SMC2: variants seen among roughly 807,000 people sequenced by gnomAD.
The protein encoded by SMC2 is structural maintenance of chromosomes 2.
SMC2 carries 41 observed loss-of-function variants against 142.6 expected under a neutral mutation model. That is an observed-to-expected ratio of 0.29 (90% CI 0.22 to 0.37). SMC2 has a LOEUF of 0.37. Ranked by LOEUF, SMC2 falls within the 10% of genes least tolerant of loss-of-function variation. The pLI is 1.00. For synonymous variants in SMC2, 463 were observed against 457.5 expected (o/e 1.01, Z -0.15); for missense variants, 1,265 against 1,373.7 (o/e 0.92, Z 1.25).
intron 9 of SMC2, among the ~76,000 whole-genome samples, chr9:104,103,475 AGTC>A (rs1831396192): frequency 6.6e-6 from 1 of 152,218 alleles, no homozygotes; most frequent in Admixed American, 6.5e-5. Flanking sequence ...CCAGTAGAAA[AGTC>A]GTCATTTGTG....
At chr9:104,105,148 G>A (rs992930441) in intron 9 of SMC2, among the ~76,000 whole-genome samples, 2 of 152,232 alleles carry the variant, frequency 1.3e-5, no homozygotes, top group African/African-American at 2.4e-5. Context: ...CCAAGGCAAT[G>A]TTATATATGG....
chr9:104,095,567 T>G lies in SMC2; in HGVS notation c.168+15T>G. The G allele has an allele frequency of 5.0e-6, 8 of 1,602,734 alleles. No homozygotes were observed. Among genetic ancestry groups the G allele is most frequent in the Non-Finnish European group, 6.0e-6 (7 of 1,171,306 alleles). The stretch of plus-strand genomic sequence containing the variant: ...ACCTGTCTCAGGTAAAGTGTAAACT[T>G]TCTGATTTATTTGAATTTAAGTTGG... On this transcript the variant is annotated intron_variant, in intron 2 of 24. Transcript: ENST00000374793.
Position 104,098,566 on chromosome 9 carries a change from C to G in SMC2, c.439C>G (p.Gln147Glu). Residue 147 changes from glutamine (Q) to glutamate (E), a missense_variant and splice_region_variant, in exon 4 of 25, where the codon CAG (glutamine) becomes GAG (glutamate). Coordinates refer to ENST00000374793, the MANE Select transcript of SMC2 (RefSeq NM_006444.3). ...TAACAACCCTCACTTTCTCATCATG[C>G]AGGTATTTCGTTTGAGGTCTTTATA... ...NVNNPHFLIM[Q>E]GRITKVLNMK... 1 of 1,585,810 alleles carries G rather than the reference C, an allele frequency of 6.3e-7. No homozygotes were observed. The highest frequency in any genetic ancestry group is 8.5e-7 in the Non-Finnish European group (1 of 1,170,310).
chr9:104,091,011 G>T (rs1224589094), upstream of SMC2, among the ~76,000 whole-genome samples: 6 of 152,308 alleles, frequency 3.9e-5, no homozygotes, highest in East Asian at 3.9e-4. Context: ...GTCCCACTGG[G>T]TGAATGAATA....
chr9:104,121,793 C>CT (rs201222369), intron 16 of SMC2, among the ~76,000 whole-genome samples: 1,612 of 151,180 alleles, frequency 0.011, 12 homozygotes, highest in African/African-American at 0.02. Flanking sequence ...TTGTCTTTTT[C>CT]TTTTTTTTTG....
chr9:104,116,755 C>T (rs1323843841), intron 14 of SMC2, among the ~76,000 whole-genome samples: 1 of 152,182 alleles, frequency 6.6e-6, no homozygotes, highest in African/African-American at 2.4e-5. Flanking sequence ...TAGAGTTCTT[C>T]TAGATTGCTA....
chr9:104,114,635 A>ATAACT, intron 12 of SMC2, 56 bp from the exon 13 acceptor site: 1 of 1,480,452 alleles, frequency 6.8e-7, no homozygotes, highest in Admixed American at 1.8e-5. Flanking sequence ...TGAGTAAAGT[A>ATAACT]TAACTTTTTC....
At chr9:104,100,833 G>GT (rs1831037182) in intron 7 of SMC2, among the ~76,000 whole-genome samples, 3 of 152,142 alleles carry the variant, frequency 2.0e-5, no homozygotes, top group African/African-American at 7.2e-5. Flanking sequence ...AAGGTATTTT[G>GT]TAAGCAAAAG....
chr9:104,120,213 G>T (rs554654574), intron 16 of SMC2, 51 bp downstream of exon 16: 2 of 1,464,770 alleles, frequency 1.4e-6, no homozygotes, highest in African/African-American at 1.5e-5. Flanking sequence ...AGTAGAAAAT[G>T]ATAGAAAATT....
At chr9:104,128,722 G>C (rs1044088281) in intron 20 of SMC2, among the ~76,000 whole-genome samples, 1 of 152,196 alleles carries the variant, frequency 6.6e-6, no homozygotes, top group Non-Finnish European at 1.5e-5. Flanking sequence ...TCTAGTAGAA[G>C]AAAGTCTTCT....
intron 14 of SMC2, among the ~76,000 whole-genome samples, chr9:104,116,804 C>T (rs1466666629): frequency 6.6e-6 from 1 of 152,164 alleles, no homozygotes; most frequent in Non-Finnish European, 1.5e-5. Flanking sequence ...ACCAGGATCC[C>T]ATTCAACTGC....
intron 14 of SMC2, among the ~76,000 whole-genome samples, chr9:104,116,689 C>T (rs1833157001): frequency 6.6e-6 from 1 of 152,060 alleles, no homozygotes. Context: ...TAAAACTGCC[C>T]ACAGTCACAG....
At chr9:104,097,707 C>T (rs1191635385) in intron 3 of SMC2, among the ~76,000 whole-genome samples, 2 of 152,078 alleles carry the variant, frequency 1.3e-5, no homozygotes, top group Non-Finnish European at 2.9e-5. Context: ...AGAGAAGGGT[C>T]TTCAAATACA....
At chr9:104,093,944 G>C (rs374898933), upstream of SMC2, among the ~76,000 whole-genome samples, 19 of 152,364 alleles carry the variant, frequency 1.2e-4, no homozygotes, top group African/African-American at 4.6e-4. Context: ...TCGCTTTGAG[G>C]AGAGAAAAGT....
At chr9:104,095,995 T>A (rs529886695) in intron 2 of SMC2, among the ~76,000 whole-genome samples, 153 bp from the exon 3 acceptor site, 1 of 152,376 alleles carries the variant, frequency 6.6e-6, no homozygotes, top group Admixed American at 6.5e-5. Context: ...CCTATTTTCC[T>A]TGTTTTTCTT....
At chr9:104,111,240 C>T (rs1182723686) in intron 9 of SMC2, among the ~76,000 whole-genome samples, 2 of 152,002 alleles carry the variant, frequency 1.3e-5, no homozygotes, top group Non-Finnish European at 2.9e-5. Context: ...TACTTTTAAG[C>T]TAGTGTAGGA....
At chr9:104,096,404 T>C in intron 3 of SMC2, 107 bp downstream of exon 3, 1 of 1,028,640 alleles carries the variant, frequency 9.7e-7, no homozygotes, top group South Asian at 1.6e-5. Flanking sequence ...TGAGCAAAAT[T>C]GGTGCCTTAA....
rs1392989465 is a variant in SMC2, at chr9:104,127,391, G to A, written c.2701G>A (p.Glu901Lys). 2.5e-6 allele frequency: 4 copies of A among 1,613,604 alleles called. No individual in the cohort carries two copies. The highest frequency in any genetic ancestry group is 1.3e-5 in the African/African-American group (1 of 74,880). Reference protein sequence around the residue: ...AKYAEVAKHKEQNNDSQLKIK... With the variant: ...AKYAEVAKHKKQNNDSQLKIK... ...ATATGCAGAAGTGGCAAAACACAAG[G>A]AGCAAAACAATGATTCTCAGCTTAA... The change falls in exon 20 of 25, where the codon GAG (glutamate) becomes AAG (lysine). Residue 901 changes from glutamate (E) to lysine (K), a missense_variant. Glu to Lys is a moderately conservative substitution (Grantham distance 56). Transcript: ENST00000374793.
intron 4 of SMC2, among the ~76,000 whole-genome samples, chr9:104,098,786 AT>A (rs1173831114): frequency 6.6e-6 from 1 of 151,594 alleles, no homozygotes; most frequent in Non-Finnish European, 1.5e-5. Flanking sequence ...TTTAGAAGTA[AT>A]TTTTGTTGAC....
Sources: gnomAD v4.1 joint callset for allele counts (sites outside exome capture counted in the v4.1 genomes callset) on GRCh38, gnomAD v4.1.1 for gene constraint, MANE v1.5 for transcripts, NCBI Gene and HGNC (gene_info 2026-07-23, HGNC 2026-07-21) for gene names.